The following RP1 variants were observed in gnomAD, a reference collection of about 807,000 sequenced individuals.
The protein encoded by RP1 is RP1 axonemal microtubule associated, also known as oxygen-regulated protein 1.
Under a neutral mutation model 14.8 loss-of-function variants are expected in RP1, and 16 were observed. That is an observed-to-expected ratio of 1.08 (90% CI 0.73 to 1.65). The LOEUF (loss-of-function observed/expected upper bound fraction) is 1.65. Ranked by LOEUF, RP1 falls within the 40% of genes most tolerant of loss-of-function variation. The pLI, the probability that RP1 is intolerant of heterozygous loss-of-function variation, is 0.00. For missense variants in RP1, 2,631 were observed against 2,535.0 expected (o/e 1.04, Z -0.81); for synonymous variants, 876 against 883.6 (o/e 0.99, Z 0.15).
intron 22 of RP1, chr8:54,769,687 T>C (rs1809853903): frequency 8.4e-7 from 1 of 1,184,896 alleles, no homozygotes. Context: ...CAGAAATTAA[T>C]TTTCTCTCTA....
rs189508601 is a variant in RP1 at position 54,787,367 on chromosome 8, C to A, written c.3615+3657C>A. On this transcript the variant is annotated intron_variant, in intron 24 of 28. Transcript: ENST00000637698. ...GAATCTGTTTATTGCCTGACATAGA[C>A]TAGACACTCATAAATATCCATTGAA... 3.2e-4 allele frequency among the ~76,000 whole-genome samples: 48 copies of A among 152,152 alleles called. No individual in the cohort carries two copies. The East Asian group carries it at 9.3e-3, about 29-fold the overall frequency.
intron 24 of RP1, among the ~76,000 whole-genome samples, chr8:54,828,697 T>C (rs2129400301): frequency 6.6e-6 from 1 of 152,214 alleles, no homozygotes; most frequent in South Asian, 2.1e-4. Context: ...TGTACATAAT[T>C]GTATGTGCTA....
At chr8:54,837,851 A>T (rs969673919) in intron 25 of RP1, among the ~76,000 whole-genome samples, 1 of 152,188 alleles carries the variant, frequency 6.6e-6, no homozygotes, top group Non-Finnish European at 1.5e-5. Context: ...GCAGATATAG[A>T]TAATATGGAA....
At position 54,688,686 on chromosome 8, in the gene RP1, A is replaced by G. The variant is rs575932296; in HGVS notation, c.1717+8753A>G. 3.3e-5 allele frequency among the ~76,000 whole-genome samples: 5 copies of G among 152,282 alleles called. No individual in the cohort carries two copies. The East Asian group carries it at 9.7e-4, about 29-fold the overall frequency. Reference sequence around the variant, plus strand: ...CACTGGTCTATATATCTGTTTTGGTACCAGTACCATGCTGTTTTGGTTACT... The same window carrying G: ...CACTGGTCTATATATCTGTTTTGGTGCCAGTACCATGCTGTTTTGGTTACT... On this transcript the variant is annotated intron_variant, in intron 12 of 22. Transcript: ENST00000636932.
intron 24 of RP1, among the ~76,000 whole-genome samples, chr8:54,833,859 A>G (rs1189217162): frequency 6.6e-6 from 1 of 152,096 alleles, no homozygotes. Flanking sequence ...GTTATAACAC[A>G]TCATCAAAAC....
At position 54,627,259 on chromosome 8, in the gene RP1, C is replaced by A; in HGVS notation, c.3377C>A (p.Thr1126Asn). Residue 1126 changes from threonine (T) to asparagine (N), a missense_variant, in exon 4 of 4, where the codon ACT becomes AAT. Coordinates refer to ENST00000220676, the MANE Select transcript of RP1 (RefSeq NM_006269.2). ...PFHSAICNSS[T>N]NLLLAWLLVL... ...CATTCTGCAATATGTAATTCATCCA[C>A]TAATCTCCTTCTAGCTTGGCTCTTG... 6.2e-7 allele frequency: 1 copy of A among 1,614,082 alleles called. No individual in the cohort carries two copies. The highest frequency in any genetic ancestry group is 8.5e-7 in the Non-Finnish European group (1 of 1,179,982).
intron 4 of RP1, among the ~76,000 whole-genome samples, chr8:54,649,822 A>G (rs17403182): frequency 0.3 from 45,825 of 152,112 alleles, 8,406 homozygotes; most frequent in Middle Eastern, 0.46. Context: ...TTCACAGGAC[A>G]GCCATCTCCA....
In RP1 at chr8:54,626,836, A is replaced by T; in HGVS notation, c.2954A>T (p.Asn985Ile). Residue 985 changes from asparagine (N) to isoleucine (I), a missense_variant, in exon 4 of 4, where the codon AAT becomes ATT. Transcript: ENST00000220676. ...ITKIAGLTGD[N>I]LCKEGDKSFI... ...AAAATTGCCGGTTTGACAGGAGATAATCTATGTAAAGAGGGAGATAAGTCT... is the reference window on the plus strand; with the variant it reads ...AAAATTGCCGGTTTGACAGGAGATATTCTATGTAAAGAGGGAGATAAGTCT... 1 of 1,613,834 alleles carries T rather than the reference A, an allele frequency of 6.2e-7. No individual in the cohort carries two copies. Among genetic ancestry groups the T allele is most frequent in the Non-Finnish European group, 8.5e-7 (1 of 1,179,964 alleles).
chr8:54,735,094 C>T (rs1038806743), intron 18 of RP1, among the ~76,000 whole-genome samples: 2 of 152,112 alleles, frequency 1.3e-5, no homozygotes, highest in Non-Finnish European at 2.9e-5. Context: ...CTTTTATATA[C>T]TTGCATATAC....
chr8:54,573,538 GC>G (rs1340794771), intron 1 of RP1, among the ~76,000 whole-genome samples: 1 of 152,074 alleles, frequency 6.6e-6, no homozygotes, highest in Non-Finnish European at 1.5e-5. Flanking sequence ...CAATACGGTA[GC>G]TTTTCCCTCA....
chr8:54,748,377 C>T (rs1809279383), intron 19 of RP1, among the ~76,000 whole-genome samples: 1 of 152,160 alleles, frequency 6.6e-6, no homozygotes, highest in Non-Finnish European at 1.5e-5. Context: ...AATCTCCAGG[C>T]AAATGTTTAA....
chr8:54,814,755 T>C (rs545154637), intron 24 of RP1, among the ~76,000 whole-genome samples: 1 of 152,238 alleles, frequency 6.6e-6, no homozygotes, highest in South Asian at 2.1e-4. Context: ...GGTTTGCTGC[T>C]GATCACAGAA....
At chr8:54,746,067 A>G (rs1316057710) in intron 19 of RP1, among the ~76,000 whole-genome samples, 2 of 152,240 alleles carry the variant, frequency 1.3e-5, no homozygotes, top group East Asian at 1.9e-4. Context: ...TTATTAGGAC[A>G]TATGTCATTA....
intron 16 of RP1, among the ~76,000 whole-genome samples, chr8:54,726,183 C>T (rs796706238): frequency 3.3e-5 from 5 of 152,246 alleles, no homozygotes; most frequent in African/African-American, 1.2e-4. Flanking sequence ...AATAAGAAGT[C>T]ATTTTCTGTT....
Position 54,629,505 on chromosome 8 carries a change from G to T in RP1, c.5623G>T (p.Gly1875Cys). ...TSVTHSFISA[G>C]NKVYPVSDDA... ...TGTCACTCATTCCTTTATTTCTGCTGGTAACAAAGTCTACCCTGTCTCTGA... is the reference window on the plus strand; with the variant it reads ...TGTCACTCATTCCTTTATTTCTGCTTGTAACAAAGTCTACCCTGTCTCTGA... The change falls in exon 4 of 4, where the codon GGT becomes TGT. Residue 1875 changes from glycine to cysteine, a missense_variant. Coordinates refer to ENST00000220676, the MANE Select transcript of RP1 (RefSeq NM_006269.2). 6.2e-7 allele frequency: 1 copy of T among 1,614,046 alleles called. No homozygotes were observed. The highest frequency in any genetic ancestry group is 1.6e-4 in the Middle Eastern group (1 of 6,062).
At chr8:54,663,654 A>C (rs1806946794) in intron 6 of RP1, 5 of 1,452,502 alleles carry the variant, frequency 3.4e-6, no homozygotes, top group Non-Finnish European at 4.5e-6. Context: ...TTTCTGTTAT[A>C]TGAGTACTGC....
At chr8:54,730,051 A>T (rs1163461589) in intron 17 of RP1, among the ~76,000 whole-genome samples, 1 of 152,010 alleles carries the variant, frequency 6.6e-6, no homozygotes, top group Non-Finnish European at 1.5e-5. Context: ...TCATAGATTG[A>T]GGATTTGAAG....
intron 15 of RP1, chr8:54,706,766 G>A (rs1808160669): frequency 2.9e-6 from 3 of 1,049,954 alleles, no homozygotes; most frequent in Admixed American, 4.2e-5. Flanking sequence ...TACATGTGGT[G>A]GTCTCCCTTG....
downstream of RP1, chr8:54,770,175 T>C: frequency 2.5e-6 from 1 of 401,964 alleles, no homozygotes; most frequent in Non-Finnish European, 4.4e-6. Context: ...ATGGTAAATG[T>C]TGTTGCCACT....
Sources: allele counts gnomAD v4.1 joint callset (sites outside exome capture counted in the v4.1 genomes callset), GRCh38; gene constraint gnomAD v4.1.1; transcripts MANE v1.5; gene names NCBI Gene and HGNC (gene_info 2026-07-23, HGNC 2026-07-21).